PCDHGA2: variants seen among roughly 807,000 people sequenced by gnomAD.
PCDHGA2 encodes the protein protocadherin gamma subfamily A, 2.
A neutral mutation model predicts 59.2 loss-of-function variants in PCDHGA2; 40 were observed. That is an observed-to-expected ratio of 0.68 (90% CI 0.52 to 0.88). PCDHGA2 has a LOEUF of 0.88. PCDHGA2 is among the 40% of genes least tolerant of loss of function. The pLI is 0.00. For synonymous variants in PCDHGA2, 560 were observed against 526.0 expected (o/e 1.06, Z -0.89); for missense variants, 1,226 against 1,204.0 (o/e 1.02, Z -0.27).
At chr5:141,510,863 A>G in intron 3 of PCDHGA2, 84 bp from the exon 4 acceptor site, 1 of 1,607,492 alleles carries the variant, frequency 6.2e-7, no homozygotes, top group African/African-American at 1.3e-5. Flanking sequence ...CTGTATAGGC[A>G]TTCATTAACT....
At chr5:141,345,955 GC>G in intron 1 of PCDHGA2, 1 of 1,613,622 alleles carries the variant, frequency 6.2e-7, no homozygotes, top group Non-Finnish European at 8.5e-7. Flanking sequence ...CTCAAGCAGA[GC>G]CTCGTGGTGG....
chr5:141,419,524 T>C (rs1400473876), intron 1 of PCDHGA2: 4 of 1,612,164 alleles, frequency 2.5e-6, no homozygotes, highest in Non-Finnish European at 3.4e-6. Flanking sequence ...TGGGCGACCG[T>C]AACGACAACG....
chr5:141,499,689 CTTTTTTTT>C (rs545067566), intron 2 of PCDHGA2, among the ~76,000 whole-genome samples: 2 of 119,856 alleles, frequency 1.7e-5, no homozygotes, highest in Non-Finnish European at 3.5e-5. Flanking sequence ...TAACAGATGA[CTTTTTTTT>C]TTTTTTTTTT....
chr5:141,391,230 G>C (rs2092321546), intron 1 of PCDHGA2: 1 of 152,026 alleles, frequency 6.6e-6, no homozygotes, highest in Non-Finnish European at 1.5e-5. Flanking sequence ...TGAGCCTTTT[G>C]CTAGGTATAT....
intron 1 of PCDHGA2, chr5:141,478,160 G>GC (rs764598056): frequency 3.7e-6 from 6 of 1,613,948 alleles, no homozygotes. Flanking sequence ...CTCTGGCTCT[G>GC]CCCCCCGGGA....
rs371176166 is a variant in PCDHGA2 at position 141,350,480 on chromosome 5, G to A, written c.2424+9085G>A. On this transcript the variant is annotated intron_variant, in intron 1 of 3. Transcript: ENST00000394576. Reference sequence around the variant, plus strand: ...GGTTAGTGCAGAGGATTATTTCAACGTTAGTTTGGAGAGCGGGGATTTGTT... The same window carrying A: ...GGTTAGTGCAGAGGATTATTTCAACATTAGTTTGGAGAGCGGGGATTTGTT... 6.2e-7 allele frequency: 1 copy of A among 1,613,898 alleles called. No homozygotes were observed. The highest frequency in any genetic ancestry group is 8.5e-7 in the Non-Finnish European group (1 of 1,179,900).
At position 141,339,466 on chromosome 5, in the gene PCDHGA2, C is replaced by G. The variant is rs1247701313; in HGVS notation, c.495C>G (p.Asn165Lys). The G allele has an allele frequency of 2.5e-6, 4 of 1,614,082 alleles. No individual in the cohort carries two copies. The highest frequency in any genetic ancestry group is 1.6e-4 in the Middle Eastern group (1 of 6,084). The change falls in exon 1 of 4, where the codon AAC becomes AAG. Residue 165 changes from asparagine to lysine, a missense_variant. Physicochemically the swap from Asn to Lys is moderately conservative, Grantham distance 94 (BLOSUM62 0). Coordinates refer to ENST00000394576, the MANE Select transcript of PCDHGA2 (RefSeq NM_018915.4). Reference sequence around the variant, plus strand: ...CGCATGATGCAGACGTAGGTGAGAACGCCCTTCAGAAGTACGCACTCAACC... The same window carrying G: ...CGCATGATGCAGACGTAGGTGAGAAGGCCCTTCAGAAGTACGCACTCAACC... Reference protein sequence around the residue: ...KNAHDADVGENALQKYALNPN... With the variant: ...KNAHDADVGEKALQKYALNPN...
chr5:141,380,966 T>C (rs890558911), intron 1 of PCDHGA2, among the ~76,000 whole-genome samples: 1 of 152,240 alleles, frequency 6.6e-6, no homozygotes, highest in East Asian at 1.9e-4. Flanking sequence ...AAAAGTACTA[T>C]TAAACAAATA....
In PCDHGA2 at chr5:141,386,511, T is replaced by C. The variant is rs558161782; in HGVS notation, c.2424+45116T>C. Among the ~76,000 whole-genome samples the C allele has an allele frequency of 2.0e-4, 3 of 15,264 alleles. No homozygotes were observed. The East Asian group carries it at 5.2e-3, about 27-fold the overall frequency. 10.0% of individuals were successfully genotyped at this position (15,264 alleles called of 152,430 possible). ...GATAATATAACAAGACTCTGTCTCTTCAAAAAAAGACTCTTTTTAGACTAG... is the reference window on the plus strand; with the variant it reads ...GATAATATAACAAGACTCTGTCTCTCCAAAAAAAGACTCTTTTTAGACTAG... On this transcript the variant is annotated intron_variant, in intron 1 of 3. Coordinates refer to ENST00000394576, the MANE Select transcript of PCDHGA2 (RefSeq NM_018915.4).
At chr5:141,387,829 G>A (rs2091112194) in intron 1 of PCDHGA2, 1 of 1,591,650 alleles carries the variant, frequency 6.3e-7, no homozygotes, top group African/African-American at 1.3e-5. Flanking sequence ...CAATACAGAG[G>A]TTATTTGTAA....
intron 1 of PCDHGA2, chr5:141,427,178 A>G (rs1175390589): frequency 4.4e-6 from 2 of 456,644 alleles, no homozygotes; most frequent in Admixed American, 2.3e-5. Flanking sequence ...AAAATGGGGA[A>G]ATTAAATCCA....
intron 1 of PCDHGA2, chr5:141,410,718 TA>T: frequency 7.1e-7 from 1 of 1,402,688 alleles, no homozygotes; most frequent in Non-Finnish European, 9.6e-7. Context: ...ATCATATGTT[TA>T]AAATCCATAG....
At chr5:141,375,705 C>G (rs1257909608) in intron 1 of PCDHGA2, 26 of 1,614,162 alleles carry the variant, frequency 1.6e-5, no homozygotes, top group Non-Finnish European at 2.1e-5. Context: ...GGGGACCCGC[C>G]TCTTAGCAGC....
At chr5:141,414,102 A>G in intron 1 of PCDHGA2, 1 of 1,593,854 alleles carries the variant, frequency 6.3e-7, no homozygotes, top group Non-Finnish European at 8.5e-7. Context: ...AAATATCAGA[A>G]AATCTAGATT....
chr5:141,432,808 C>T lies in PCDHGA2; in HGVS notation c.2425-61999C>T, dbSNP rs1473886709. ...TCGGCAGCCTCGAGTCTCCAGCTAA[C>T]TCTGAAACCTCAGACCTCACTCTGT... On this transcript the variant is annotated intron_variant, in intron 1 of 3. Transcript: ENST00000394576. This position sits in a 1 kb window ranked among gnomAD's most constrained non-coding sequence, Gnocchi z 6.0. 6.2e-7 allele frequency: 1 copy of T among 1,613,486 alleles called. No homozygotes were observed. Among genetic ancestry groups the T allele is most frequent in the African/African-American group, 1.3e-5 (1 of 74,426 alleles).
chr5:141,357,619 C>T, intron 1 of PCDHGA2: 1 of 1,613,696 alleles, frequency 6.2e-7, no homozygotes, highest in Non-Finnish European at 8.5e-7. Flanking sequence ...CCCTAATCTT[C>T]AGGTGAGTCA....
At chr5:141,361,434 C>T in intron 1 of PCDHGA2, 1 of 1,614,066 alleles carries the variant, frequency 6.2e-7, no homozygotes, top group Non-Finnish European at 8.5e-7. Context: ...CGCCCCTCTC[C>T]TCCAGCATAA....
At position 141,339,381 on chromosome 5, in the gene PCDHGA2, A is replaced by G. The variant is rs777409205; in HGVS notation, c.410A>G (p.Glu137Gly). Residue 137 changes from glutamate (E) to glycine (G), a missense_variant, in exon 1 of 4, where the codon GAA becomes GGA. By Grantham distance (98) the Glu-to-Gly change is moderately conservative (BLOSUM62 -2). Coordinates refer to ENST00000394576, the MANE Select transcript of PCDHGA2 (RefSeq NM_018915.4). ...AATGCCCCTCGCTTTGGAGTAGAGG[A>G]ACTGGAGCTAAAAATCAGTGAAACC... ...NDNAPRFGVE[E>G]LELKISETTT... 13 of 1,614,104 alleles carry G rather than the reference A, an allele frequency of 8.1e-6. No individual in the cohort carries two copies. The East Asian group carries it at 2.9e-4, about 36-fold the overall frequency.
chr5:141,415,502 A>T, intron 1 of PCDHGA2: 1 of 1,614,204 alleles, frequency 6.2e-7, no homozygotes, highest in African/African-American at 1.3e-5. Flanking sequence ...ATCTTCCCCC[A>T]GCCCAATTAT....
Sources: allele counts gnomAD v4.1 joint callset (sites outside exome capture counted in the v4.1 genomes callset), GRCh38; gene constraint gnomAD v4.1.1; non-coding constraint Gnocchi (gnomAD v3.1); transcripts MANE v1.5; gene names NCBI Gene and HGNC (gene_info 2026-07-23, HGNC 2026-07-21).